The following ADK variants were observed in gnomAD, a reference collection of about 807,000 sequenced individuals.
The protein encoded by ADK is adenosine kinase, also known as N6,N6-dimethyladenosine kinase.
ADK carries 24 observed loss-of-function variants against 44.7 expected under a neutral mutation model. The ratio of observed to expected loss-of-function variants is 0.54; its 90% CI spans 0.39 to 0.76. The LOEUF is 0.76. Ranked by LOEUF, ADK falls within the 30% of genes least tolerant of loss-of-function variation. The pLI is 0.00. For synonymous variants in ADK, 128 were observed against 142.6 expected (o/e 0.90, Z 0.73); for missense variants, 321 against 425.1 (o/e 0.76, Z 2.15).
At chr10:74,328,347 G>A (rs1841089980) in intron 4 of ADK, among the ~76,000 whole-genome samples, 2 of 152,076 alleles carry the variant, frequency 1.3e-5, no homozygotes, top group South Asian at 2.1e-4. Context: ...TACATACTAT[G>A]CTTACAATAG....
At chr10:74,370,938 G>A (rs1322011665) in intron 4 of ADK, among the ~76,000 whole-genome samples, 1 of 151,894 alleles carries the variant, frequency 6.6e-6, no homozygotes, top group African/African-American at 2.4e-5. Context: ...TTCAAAGTAG[G>A]GTTTTGCAAT....
intron 6 of ADK, among the ~76,000 whole-genome samples, chr10:74,522,556 ACACATGGCTCCTGC>A (rs1433337118): frequency 6.6e-6 from 1 of 152,202 alleles, no homozygotes; most frequent in Non-Finnish European, 1.5e-5. Context: ...GGACCCCAAT[ACACATGGCTCCTGC>A]CACTAAATTA....
At chr10:74,335,490 C>G (rs1841374839) in intron 4 of ADK, among the ~76,000 whole-genome samples, 1 of 152,138 alleles carries the variant, frequency 6.6e-6, no homozygotes, top group Admixed American at 6.5e-5. Flanking sequence ...TGTACTGCAC[C>G]TTGTGTCTCT....
intron 1 of ADK, among the ~76,000 whole-genome samples, chr10:74,190,804 C>T (rs1462573950): frequency 6.6e-6 from 1 of 152,118 alleles, no homozygotes; most frequent in Non-Finnish European, 1.5e-5. Context: ...TTGTGGTTTG[C>T]TGCTTTTCAG....
chr10:74,549,839 G>A (rs1849967511), intron 7 of ADK, among the ~76,000 whole-genome samples: 2 of 152,096 alleles, frequency 1.3e-5, no homozygotes, highest in Non-Finnish European at 2.9e-5. Flanking sequence ...TTGACATGTT[G>A]ATTCATTGAA....
Position 74,170,573 on chromosome 10 carries a change from C to T in ADK, c.65+19230C>T, listed in dbSNP as rs573290668. On this transcript the variant is annotated intron_variant, in intron 1 of 10. Coordinates refer to ENST00000539909, the MANE Select transcript of ADK (RefSeq NM_006721.4). ...TAGCACTTTGGGAGGCCGAGGCAGG[C>T]GGATCACGAGGTCAGGAGATCGAGA... Among the ~76,000 whole-genome samples the T allele has an allele frequency of 1.3e-3, 191 of 151,886 alleles. 1 individual carries two copies. The highest frequency in any genetic ancestry group is 4.4e-3 in the African/African-American group (181 of 41,418).
chr10:74,599,606 T>C (rs1378305954), intron 8 of ADK, among the ~76,000 whole-genome samples: 1 of 152,198 alleles, frequency 6.6e-6, no homozygotes, highest in Non-Finnish European at 1.5e-5. Flanking sequence ...GATTTTCAAA[T>C]TATCCAAAAT....
chr10:74,525,988 A>G (rs925488675), intron 7 of ADK, among the ~76,000 whole-genome samples: 15 of 151,952 alleles, frequency 9.9e-5, no homozygotes. Flanking sequence ...TTGACGTTTG[A>G]TTTACTTATA....
intron 1 of ADK, among the ~76,000 whole-genome samples, chr10:74,158,865 T>C (rs2132032655): frequency 6.6e-6 from 1 of 152,352 alleles, no homozygotes; most frequent in South Asian, 2.1e-4. Flanking sequence ...GTAATACCAG[T>C]ACAGTTGATG....
chr10:74,376,640 T>C (rs1335004607), intron 4 of ADK, among the ~76,000 whole-genome samples: 1 of 152,168 alleles, frequency 6.6e-6, no homozygotes, highest in Non-Finnish European at 1.5e-5. Context: ...CTATTTAATA[T>C]CCAATTTAGA....
At chr10:74,459,038 G>A (rs1056108883) in intron 6 of ADK, among the ~76,000 whole-genome samples, 1 of 152,036 alleles carries the variant, frequency 6.6e-6, no homozygotes, top group African/African-American at 2.4e-5. Flanking sequence ...CCAGCACTTT[G>A]GAGGCTGAGG....
At chr10:74,176,717 C>T in intron 1 of ADK, 3 of 1,478,730 alleles carry the variant, frequency 2.0e-6, no homozygotes, top group Non-Finnish European at 2.7e-6. Context: ...GCCGGGCCGG[C>T]TAGCCAGGGG....
chr10:74,369,060 A>G (rs1367029252), intron 4 of ADK, among the ~76,000 whole-genome samples: 1 of 152,214 alleles, frequency 6.6e-6, no homozygotes, highest in African/African-American at 2.4e-5. Flanking sequence ...TTCACTGTAG[A>G]TAAAGAGTTA....
chr10:74,496,040 G>T (rs1169571551), intron 6 of ADK, among the ~76,000 whole-genome samples: 1 of 152,150 alleles, frequency 6.6e-6, no homozygotes, highest in Non-Finnish European at 1.5e-5. Flanking sequence ...ATGGTTAGTT[G>T]TAATTTTTCA....
intron 7 of ADK, among the ~76,000 whole-genome samples, chr10:74,553,110 T>A (rs1850092618): frequency 6.8e-6 from 1 of 147,934 alleles, no homozygotes; most frequent in Non-Finnish European, 1.5e-5. Flanking sequence ...AAAACATATA[T>A]CCACAAAAAG....
At chr10:74,628,414 A>G (rs531268114) in intron 9 of ADK, among the ~76,000 whole-genome samples, 39 of 152,062 alleles carry the variant, frequency 2.6e-4, no homozygotes, top group African/African-American at 9.1e-4. Flanking sequence ...TGGTCCAGGA[A>G]TGAGGCATAG....
intron 6 of ADK, among the ~76,000 whole-genome samples, chr10:74,471,646 A>G (rs1564740847): frequency 6.6e-6 from 1 of 152,138 alleles, no homozygotes; most frequent in Non-Finnish European, 1.5e-5. Flanking sequence ...TGAACACAGG[A>G]CGTCTTTTCA....
intron 6 of ADK, among the ~76,000 whole-genome samples, chr10:74,453,984 C>T (rs963880311): frequency 6.6e-6 from 1 of 152,078 alleles, no homozygotes; most frequent in Admixed American, 6.5e-5. Context: ...TCATTAACAT[C>T]TTAAAGTTTT....
intron 2 of ADK, among the ~76,000 whole-genome samples, chr10:74,219,451 A>G (rs1341948154): frequency 6.6e-6 from 1 of 152,218 alleles, no homozygotes; most frequent in African/African-American, 2.4e-5. Flanking sequence ...TCAACATTAG[A>G]CAGATCAATG....
Sources: gnomAD v4.1 joint callset for allele counts (sites outside exome capture counted in the v4.1 genomes callset) on GRCh38, gnomAD v4.1.1 for gene constraint, MANE v1.5 for transcripts, NCBI Gene and HGNC (gene_info 2026-07-23, HGNC 2026-07-21) for gene names.